The following CATSPERB variants were observed in gnomAD, a reference collection of about 807,000 sequenced individuals.
CATSPERB encodes cation channel sperm-associated auxiliary subunit beta.
CATSPERB carries 93 observed loss-of-function variants against 128.3 expected under a neutral mutation model. The observed-to-expected ratio is 0.72, with a 90% confidence interval of 0.61 to 0.86. The LOEUF (loss-of-function observed/expected upper bound fraction) is 0.86, where lower values mean the gene tolerates loss of function less well. Ranked by LOEUF, CATSPERB falls within the 40% of genes least tolerant of loss-of-function variation. The pLI is 0.00. For missense variants in CATSPERB, 1,153 were observed against 1,329.5 expected (o/e 0.87, Z 2.06); for synonymous variants, 381 against 448.8 (o/e 0.85, Z 1.91).
intron 26 of CATSPERB, among the ~76,000 whole-genome samples, chr14:91,585,895 A>G (rs1313155358): frequency 6.6e-6 from 1 of 152,104 alleles, no homozygotes; most frequent in Non-Finnish European, 1.5e-5. Context: ...GAAAATGCTG[A>G]TTATTTATTT....
rs1371211927 is a variant in CATSPERB at position 91,588,043 on chromosome 14, G to T, written c.2992C>A (p.Gln998Lys). 1 of 1,610,960 alleles carries T rather than the reference G, an allele frequency of 6.2e-7. No individual in the cohort carries two copies. Among genetic ancestry groups the T allele is most frequent in the Admixed American group, 1.7e-5 (1 of 59,900 alleles). Residue 998 changes from glutamine to lysine, a missense_variant, in exon 25 of 27, where the codon CAA (glutamine) becomes AAA (lysine). Coordinates refer to ENST00000256343, the MANE Select transcript of CATSPERB (RefSeq NM_024764.4). ...GCACCAAGAATTGGTTCTACTAATT[G>T]TTTCATTCTTTTAATATTTTCTGGC... The part of the protein sequence containing the change: ...TVPENIKRMK[Q>K]LVEPILGAAV...
In CATSPERB at chr14:91,623,080, A is replaced by G. The variant is rs577100620; in HGVS notation, c.1931-1143T>C. Among the ~76,000 whole-genome samples the G allele has an allele frequency of 8.6e-5, 13 of 152,020 alleles. No individual in the cohort carries two copies. In the South Asian group the frequency reaches 2.1e-3, roughly 24 times the overall value. On this transcript the variant is annotated intron_variant, in intron 18 of 26. Coordinates refer to ENST00000256343, the MANE Select transcript of CATSPERB (RefSeq NM_024764.4). ...CAGCTAATTTTTGTATTTTTAGTAG[A>G]GACGGGGTTTCACCATGTTGGCCAG... is the stretch of plus-strand genomic sequence containing the variant.
Position 91,679,298 on chromosome 14 carries a change from G to A in CATSPERB, c.931+4579C>T, listed in dbSNP as rs2139836715. On this transcript the variant is annotated intron_variant, in intron 11 of 26. Coordinates refer to ENST00000256343, the MANE Select transcript of CATSPERB (RefSeq NM_024764.4). ...AAGTTATTAAAAATAAAAATACTAG[G>A]TAATATATAATTCTGTAAGTTGTGT... Among the ~76,000 whole-genome samples the A allele has an allele frequency of 1.3e-5, 2 of 152,162 alleles. 1 individual carries two copies. Among genetic ancestry groups the A allele is most frequent in the South Asian group, 4.1e-4 (2 of 4,820 alleles).
chr14:91,597,058 T>C (rs1228516815), intron 22 of CATSPERB, among the ~76,000 whole-genome samples: 1 of 151,654 alleles, frequency 6.6e-6, no homozygotes, highest in Non-Finnish European at 1.5e-5. Context: ...AGCTAATTTT[T>C]TTTTTTTTGT....
rs151039423 is a variant in CATSPERB, at chr14:91,697,832, T to C, written c.617-4353A>G. Among the ~76,000 whole-genome samples the C allele has an allele frequency of 3.7e-4, 56 of 152,340 alleles. 1 individual carries two copies. The East Asian group carries it at 0.01, about 27-fold the overall frequency. On this transcript the variant is annotated intron_variant, in intron 7 of 26. Transcript: ENST00000256343. Reference sequence around the variant, plus strand: ...TAATGTGATACCTCAGGCTTTGTTCTTTTTGCTTAGGATTGCTTTGGTTAT... The same window carrying C: ...TAATGTGATACCTCAGGCTTTGTTCCTTTTGCTTAGGATTGCTTTGGTTAT...
chr14:91,623,279 G>A (rs550574186), intron 18 of CATSPERB, among the ~76,000 whole-genome samples: 18 of 152,166 alleles, frequency 1.2e-4, no homozygotes, highest in African/African-American at 4.1e-4. Context: ...TGCAACACGG[G>A]AGAGGGGCCT....
Position 91,582,542 on chromosome 14 carries a change from G to A in CATSPERB, c.3133-1435C>T, listed in dbSNP as rs544155903. 1.4e-4 allele frequency among the ~76,000 whole-genome samples: 21 copies of A among 152,250 alleles called. No individual in the cohort carries two copies. The East Asian group carries it at 2.3e-3, about 17-fold the overall frequency. On this transcript the variant is annotated intron_variant, in intron 26 of 26. Coordinates refer to ENST00000256343, the MANE Select transcript of CATSPERB (RefSeq NM_024764.4). ...GAATTCAGAACCTGTCTTCCTGTTT[G>A]GCGTGCTTTCCTCTGACTGATCCCA...
At chr14:91,614,726 G>GA (rs1285747620) in intron 20 of CATSPERB, among the ~76,000 whole-genome samples, 1 of 152,140 alleles carries the variant, frequency 6.6e-6, no homozygotes, top group East Asian at 1.9e-4. Flanking sequence ...AGCACAGGAG[G>GA]TCAAGGCTGC....
At chr14:91,660,348 T>A (rs1894856759) in intron 14 of CATSPERB, among the ~76,000 whole-genome samples, 1 of 152,190 alleles carries the variant, frequency 6.6e-6, no homozygotes, top group South Asian at 2.1e-4. Context: ...GGGGAGGGGT[T>A]TACCCCATAT....
In CATSPERB at chr14:91,702,372, C is replaced by T. The variant is rs531803763; in HGVS notation, c.616+2180G>A. ...GTGCAAAAAAAATCGCGGTTTTTGC[C>T]ATTAAAAATAATTGCAAAAACCGCG... On this transcript the variant is annotated intron_variant, in intron 7 of 26. Transcript: ENST00000256343. Among the ~76,000 whole-genome samples, 6 of 150,030 alleles carry T rather than the reference C, an allele frequency of 4.0e-5. No homozygotes were observed. The South Asian group carries it at 1.3e-3, about 32-fold the overall frequency.
chr14:91,716,257 A>T lies in CATSPERB; in HGVS notation c.370+3161T>A, dbSNP rs145538454. 4.9e-3 allele frequency among the ~76,000 whole-genome samples: 744 copies of T among 152,352 alleles called. 7 individuals carry two copies. The highest frequency in any genetic ancestry group is 7.6e-3 in the Non-Finnish European group (518 of 68,024). On this transcript the variant is annotated intron_variant, in intron 5 of 26. Transcript: ENST00000256343. ...CCAAATGGCAAATAAGCACAAAAAA[A>T]GATGCTCAATGTCATTAGTTGTTAG...
rs1000709595 is a variant in CATSPERB, at chr14:91,729,332, T to C, written c.79+69A>G. 13 of 642,806 alleles carry C rather than the reference T, an allele frequency of 2.0e-5. No homozygotes were observed. The African/African-American group carries it at 2.3e-4, about 11-fold the overall frequency. The allele number at this position is 642,806 out of a possible 1,614,324, so 39.8% of individuals were successfully genotyped here. A position where few individuals can be genotyped will look rare whatever the true frequency, so the allele number is the denominator to read the frequency against. On this transcript the variant is annotated intron_variant, in intron 2 of 26. Transcript: ENST00000256343. ...ATACTAAAAGAAAAATTTTTTACTGTAAATAAGGAAGAGACACAAATAAGA... is the reference window on the plus strand; with the variant it reads ...ATACTAAAAGAAAAATTTTTTACTGCAAATAAGGAAGAGACACAAATAAGA...
intron 10 of CATSPERB, among the ~76,000 whole-genome samples, chr14:91,688,230 G>A (rs11844292): frequency 0.019 from 2,829 of 152,148 alleles, 117 homozygotes; most frequent in African/African-American, 0.066. Flanking sequence ...AGAAATTCTG[G>A]ACTTTGGTTC....
At position 91,639,172 on chromosome 14, in the gene CATSPERB, T is replaced by C. The variant is rs200761379; in HGVS notation, c.1511A>G (p.His504Arg). 403 of 1,613,916 alleles carry C rather than the reference T, an allele frequency of 2.5e-4. 1 individual carries two copies. The highest frequency in any genetic ancestry group is 3.4e-4 in the South Asian group (31 of 91,084). ...TLYYDHLGFL[H>R]KLTLGRFEAS... ...TTCAAAGCGACCCAGAGTCAGCTTA[T>C]GTAGGAATCCCAAGTGATCATAGTA... The change falls in exon 16 of 27, where the codon CAT becomes CGT. Residue 504 changes from histidine (H) to arginine (R), a missense_variant. Transcript: ENST00000256343.
chr14:91,596,014 C>A (rs1893499656), intron 22 of CATSPERB, among the ~76,000 whole-genome samples: 1 of 152,048 alleles, frequency 6.6e-6, no homozygotes, highest in Non-Finnish European at 1.5e-5. Flanking sequence ...AGCAAAAAGT[C>A]AAAAAGATTA....
intron 18 of CATSPERB, among the ~76,000 whole-genome samples, chr14:91,623,959 C>T (rs995138422): frequency 6.6e-6 from 1 of 152,166 alleles, no homozygotes; most frequent in Admixed American, 6.5e-5. Context: ...CTTCTGATCA[C>T]TCTTCAAGAC....
chr14:91,621,138 A>G (rs565339552), intron 19 of CATSPERB, among the ~76,000 whole-genome samples: 1 of 152,360 alleles, frequency 6.6e-6, no homozygotes, highest in South Asian at 2.1e-4. Context: ...GAGGTGGCTC[A>G]CGCCTGTAAT....
At chr14:91,683,217 T>A (rs1895315165) in intron 11 of CATSPERB, among the ~76,000 whole-genome samples, 1 of 152,174 alleles carries the variant, frequency 6.6e-6, no homozygotes, top group Non-Finnish European at 1.5e-5. Context: ...CTCCCGCAAA[T>A]TCCTACTGCA....
At chr14:91,653,176 C>A (rs752602268) in intron 15 of CATSPERB, among the ~76,000 whole-genome samples, 1 of 152,014 alleles carries the variant, frequency 6.6e-6, no homozygotes, top group Non-Finnish European at 1.5e-5. Context: ...AACTGGAGAT[C>A]AGAAGAAATT....
Sources: gnomAD v4.1 joint callset for allele counts (sites outside exome capture counted in the v4.1 genomes callset) on GRCh38, gnomAD v4.1.1 for gene constraint, MANE v1.5 for transcripts, NCBI Gene and HGNC (gene_info 2026-07-23, HGNC 2026-07-21) for gene names.